Variants in FNDC3B observed in about 807,000 individuals in gnomAD.
FNDC3B encodes the protein fibronectin type III domain containing 3B, also known as fibronectin type III domain-containing protein 3B.
FNDC3B carries 12 observed loss-of-function variants against 151.5 expected under a neutral mutation model. The ratio of observed to expected loss-of-function variants is 0.08; its 90% CI spans 0.05 to 0.13. The LOEUF (loss-of-function observed/expected upper bound fraction) is 0.13, where lower values mean the gene tolerates loss of function less well. Among genes scored for constraint, FNDC3B ranks in the 10% least tolerant of loss-of-function variants. The pLI, the probability that FNDC3B is intolerant of heterozygous loss-of-function variation, is 1.00. For missense variants in FNDC3B, 1,214 were observed against 1,505.3 expected (o/e 0.81, Z 3.20); for synonymous variants, 528 against 549.0 (o/e 0.96, Z 0.54).
chr3:172,378,378 G>A lies in FNDC3B; in HGVS notation c.3117G>A (p.Gly1039=). The A allele has an allele frequency of 6.2e-7, 1 of 1,614,020 alleles. No individual in the cohort carries two copies. Among genetic ancestry groups the A allele is most frequent in the South Asian group, 1.1e-5 (1 of 91,076 alleles). The change falls in exon 24 of 26, where the codon GGG becomes GGA. Residue 1039 remains glycine (G), a synonymous_variant. Coordinates refer to ENST00000415807, the MANE Select transcript of FNDC3B (RefSeq NM_022763.4). ...RIQAASEAGE[G]PFSETYTFST... ...AGGCAGCAAGCGAGGCTGGAGAAGG[G>A]CCCTTCTCAGAAACCTATACCTTCA...
intron 25 of FNDC3B, among the ~76,000 whole-genome samples, chr3:172,389,279 C>G (rs1322518401): frequency 6.6e-6 from 1 of 152,146 alleles, no homozygotes; most frequent in Non-Finnish European, 1.5e-5. Context: ...TAAAGCTCAT[C>G]TTTGTTACTT....
At chr3:172,232,309 C>T (rs532635629) in intron 4 of FNDC3B, among the ~76,000 whole-genome samples, 45 of 152,132 alleles carry the variant, frequency 3.0e-4, no homozygotes, top group African/African-American at 8.7e-4. Context: ...ATTAAATAGC[C>T]GAAAGTCCTT....
Position 172,111,927 on chromosome 3 carries a change from G to A in FNDC3B, c.-28-525G>A, listed in dbSNP as rs113130799. 6.3e-3 allele frequency among the ~76,000 whole-genome samples: 965 copies of A among 152,076 alleles called. 5 individuals carry two copies. Among genetic ancestry groups the A allele is most frequent in the African/African-American group, 0.022 (908 of 41,478 alleles). Reference sequence around the variant, plus strand: ...CGTGTGTGTGTATTTATATTTGTTCGTTTATACTTCTTTGTCCATCTTTGC... The same window carrying A: ...CGTGTGTGTGTATTTATATTTGTTCATTTATACTTCTTTGTCCATCTTTGC... On this transcript the variant is annotated intron_variant, in intron 1 of 25. Transcript: ENST00000415807.
intron 6 of FNDC3B, among the ~76,000 whole-genome samples, chr3:172,264,517 T>C (rs1411024708): frequency 6.6e-6 from 1 of 152,226 alleles, no homozygotes; most frequent in Non-Finnish European, 1.5e-5. Context: ...GTTTCTTGCA[T>C]TTTTAGATTC....
chr3:172,286,649 T>C (rs1400966577), intron 7 of FNDC3B, among the ~76,000 whole-genome samples: 1 of 152,104 alleles, frequency 6.6e-6, no homozygotes, highest in African/African-American at 2.4e-5. Context: ...GGGTACATAG[T>C]TGAATTTGAC....
chr3:172,257,986 G>A (rs1259706217), intron 6 of FNDC3B, among the ~76,000 whole-genome samples: 1 of 152,134 alleles, frequency 6.6e-6, no homozygotes, highest in Non-Finnish European at 1.5e-5. Context: ...GGAACACTTG[G>A]TTTAAGTTGA....
At chr3:172,209,475 G>T (rs974591155) in intron 3 of FNDC3B, among the ~76,000 whole-genome samples, 3 of 152,216 alleles carry the variant, frequency 2.0e-5, no homozygotes, top group Non-Finnish European at 4.4e-5. Context: ...GTGGAGAGGA[G>T]ACCCAAAGTG....
intron 1 of FNDC3B, among the ~76,000 whole-genome samples, chr3:172,086,360 T>TAAA (rs11417506): frequency 2.3e-3 from 339 of 147,578 alleles, no homozygotes; most frequent in African/African-American, 6.7e-3. Flanking sequence ...ACCTGATCTT[T>TAAA]AAAAAAAAAA....
chr3:172,081,699 A>G (rs577143336), intron 1 of FNDC3B, among the ~76,000 whole-genome samples: 1 of 152,316 alleles, frequency 6.6e-6, no homozygotes, highest in South Asian at 2.1e-4. Context: ...AGAAGATTGA[A>G]TGGCTCTGTT....
chr3:172,392,798 CTTTTTTTTTTTCT>C (rs1736073816), intron 25 of FNDC3B, among the ~76,000 whole-genome samples: 2 of 86,280 alleles, frequency 2.3e-5, no homozygotes, highest in East Asian at 5.3e-4. Flanking sequence ...TGAATTTTTT[CTTTTTTTTTTTCT>C]TTTTTTTTTT....
intron 3 of FNDC3B, among the ~76,000 whole-genome samples, chr3:172,201,317 A>C (rs1021682040): frequency 4.6e-5 from 7 of 152,014 alleles, no homozygotes; most frequent in African/African-American, 1.7e-4. Context: ...TGCTCTCCAG[A>C]CCCTGGAGTG....
chr3:172,094,982 G>A (rs1320988677), intron 1 of FNDC3B, among the ~76,000 whole-genome samples: 5 of 151,908 alleles, frequency 3.3e-5, no homozygotes, highest in African/African-American at 1.2e-4. Context: ...CTAGGGTGTT[G>A]CTGCTGGTGG....
chr3:172,209,670 C>T lies in FNDC3B; in HGVS notation c.188-17201C>T, dbSNP rs548726080. Among the ~76,000 whole-genome samples the T allele has an allele frequency of 5.3e-4, 80 of 152,362 alleles. 1 individual carries two copies. Among genetic ancestry groups the T allele is most frequent in the Admixed American group, 1.4e-3 (22 of 15,306 alleles). Reference sequence around the variant, plus strand: ...TCCCAGTAGCCGACTCCACCCAGAACTGGCAGCCTCGACCATAGGCTTCAG... The same window carrying T: ...TCCCAGTAGCCGACTCCACCCAGAATTGGCAGCCTCGACCATAGGCTTCAG... On this transcript the variant is annotated intron_variant, in intron 3 of 25. Transcript: ENST00000415807.
In FNDC3B at chr3:172,088,072, T is replaced by A. The variant is rs369469919; in HGVS notation, c.-28-24380T>A. Among the ~76,000 whole-genome samples the A allele has an allele frequency of 9.8e-5, 15 of 152,300 alleles. No homozygotes were observed. In the East Asian group the frequency reaches 2.5e-3, roughly 25 times the overall value. ...CCAGGAAATTGCCTGCCACATCTTG[T>A]TCCTGGAAAAGCTGACAGCCTAAAA... On this transcript the variant is annotated intron_variant, in intron 1 of 25. Coordinates refer to ENST00000415807, the MANE Select transcript of FNDC3B (RefSeq NM_022763.4).
At position 172,163,186 on chromosome 3, in the gene FNDC3B, A is replaced by G. The variant is rs1316821614; in HGVS notation, c.187+29640A>G. Among the ~76,000 whole-genome samples the G allele has an allele frequency of 3.3e-5, 5 of 152,016 alleles. No homozygotes were observed. The South Asian group carries it at 6.2e-4, about 19-fold the overall frequency. On this transcript the variant is annotated intron_variant, in intron 3 of 25. Coordinates refer to ENST00000415807, the MANE Select transcript of FNDC3B (RefSeq NM_022763.4). ...CTTGGGAGGCTGAGATGAGAAGATT[A>G]CTTGAGCCCAGGAGTTTGAGGCTGC...
At chr3:172,314,792 A>G (rs1731696950) in intron 11 of FNDC3B, among the ~76,000 whole-genome samples, 1 of 152,216 alleles carries the variant, frequency 6.6e-6, no homozygotes, top group Admixed American at 6.5e-5. Context: ...GCAGCTAACT[A>G]TATGCTGGGC....
In FNDC3B at chr3:172,358,213, G is replaced by C. The variant is rs566539595; in HGVS notation, c.2796-4420G>C. 1.7e-4 allele frequency among the ~76,000 whole-genome samples: 26 copies of C among 152,330 alleles called. No individual in the cohort carries two copies. The East Asian group carries it at 4.2e-3, about 25-fold the overall frequency. ...AAGTAGCTCCTACCTTATGGGGTCAGCATAGAAATCAGAGATGATATTGTA... is the reference window on the plus strand; with the variant it reads ...AAGTAGCTCCTACCTTATGGGGTCACCATAGAAATCAGAGATGATATTGTA... On this transcript the variant is annotated intron_variant, in intron 22 of 25. Transcript: ENST00000415807.
intron 25 of FNDC3B, among the ~76,000 whole-genome samples, chr3:172,392,773 G>T (rs976016451): frequency 7.0e-6 from 1 of 143,102 alleles, no homozygotes; most frequent in African/African-American, 2.5e-5. Context: ...CCAATAAAAA[G>T]ACAAAGTAAC....
rs537342698 is a variant in FNDC3B, at chr3:172,064,838, C to T, written c.-29+25067C>T. 5.9e-5 allele frequency among the ~76,000 whole-genome samples: 9 copies of T among 152,252 alleles called. No individual in the cohort carries two copies. In the South Asian group the frequency reaches 1.5e-3, roughly 25 times the overall value. ...CATTCGTCATCACTGCAGTACCTGGCGCATAGTAGGCTCTCCATTTGGTGT... is the reference window on the plus strand; with the variant it reads ...CATTCGTCATCACTGCAGTACCTGGTGCATAGTAGGCTCTCCATTTGGTGT... On this transcript the variant is annotated intron_variant, in intron 1 of 25. Coordinates refer to ENST00000415807, the MANE Select transcript of FNDC3B (RefSeq NM_022763.4).
Sources: gnomAD v4.1 joint callset for allele counts (sites outside exome capture counted in the v4.1 genomes callset) on GRCh38, gnomAD v4.1.1 for gene constraint, MANE v1.5 for transcripts, NCBI Gene and HGNC (gene_info 2026-07-23, HGNC 2026-07-21) for gene names.